Variants in COP1 observed in about 807,000 individuals in gnomAD.
The protein encoded by COP1 is COP1 E3 ubiquitin ligase, also known as E3 ubiquitin-protein ligase COP1.
COP1 carries 24 observed loss-of-function variants against 101.3 expected under a neutral mutation model. The observed-to-expected ratio is 0.24, with a 90% CI of 0.17 to 0.33. The LOEUF (loss-of-function observed/expected upper bound fraction) is 0.33. Ranked by LOEUF, COP1 falls within the 10% of genes least tolerant of loss-of-function variation. The pLI is 1.00. For missense variants in COP1, 663 were observed against 906.2 expected (o/e 0.73, Z 3.45); for synonymous variants, 347 against 341.9 (o/e 1.01, Z -0.17).
At chr1:176,185,378 C>G (rs1395356638) in intron 1 of COP1, among the ~76,000 whole-genome samples, 2 of 152,286 alleles carry the variant, frequency 1.3e-5, no homozygotes, top group Admixed American at 6.5e-5. Context: ...ACGTTCTTAA[C>G]CACTTGTCCT....
chr1:175,982,021 A>G (rs1655981226), intron 18 of COP1, among the ~76,000 whole-genome samples: 1 of 152,190 alleles, frequency 6.6e-6, no homozygotes, highest in Admixed American at 6.5e-5. Flanking sequence ...AAGATGAAAG[A>G]TAACAAGCGT....
intron 18 of COP1, among the ~76,000 whole-genome samples, chr1:175,952,635 A>G (rs888816456): frequency 4.0e-5 from 6 of 151,800 alleles, no homozygotes; most frequent in African/African-American, 1.5e-4. Flanking sequence ...TAAGGTGGGC[A>G]TGGTAGCTCA....
intron 11 of COP1, among the ~76,000 whole-genome samples, chr1:176,076,902 C>T (rs1411679019): frequency 1.3e-5 from 2 of 152,064 alleles, no homozygotes; most frequent in Non-Finnish European, 2.9e-5. Flanking sequence ...CACACAACCT[C>T]CCAAGATTCA....
At chr1:176,187,838 G>A (rs1324691493) in intron 1 of COP1, among the ~76,000 whole-genome samples, 1 of 152,054 alleles carries the variant, frequency 6.6e-6, no homozygotes, top group Non-Finnish European at 1.5e-5. Flanking sequence ...TAATAGGACT[G>A]GTGCTATGGT....
chr1:176,187,940 T>C (rs1015516294), intron 1 of COP1, among the ~76,000 whole-genome samples: 2 of 152,080 alleles, frequency 1.3e-5, no homozygotes, highest in African/African-American at 4.8e-5. Flanking sequence ...TTTTAGGTCA[T>C]GAGGGCAGAA....
intron 18 of COP1, among the ~76,000 whole-genome samples, chr1:175,961,695 C>CAAA (rs3034815): frequency 4.9e-4 from 34 of 69,402 alleles, no homozygotes; most frequent in African/African-American, 7.9e-4. Context: ...GACCCTGTCT[C>CAAA]AAAAAAAAAA....
intron 11 of COP1, among the ~76,000 whole-genome samples, chr1:176,074,376 A>G (rs1185283271): frequency 6.6e-6 from 1 of 152,144 alleles, no homozygotes; most frequent in East Asian, 1.9e-4. Context: ...AGTTTTTCAC[A>G]CCTTCATTTC....
intron 6 of COP1, among the ~76,000 whole-genome samples, chr1:176,145,904 G>C (rs760032675): frequency 6.6e-6 from 1 of 152,270 alleles, no homozygotes; most frequent in Non-Finnish European, 1.5e-5. Context: ...AGGGTGGTCA[G>C]GGTGCTTCAG....
At chr1:175,970,299 CTTAG>C (rs1165634559) in intron 18 of COP1, among the ~76,000 whole-genome samples, 1 of 151,998 alleles carries the variant, frequency 6.6e-6, no homozygotes, top group Non-Finnish European at 1.5e-5. Context: ...ATGATGAGAA[CTTAG>C]TTAAGCAGAA....
intron 5 of COP1, among the ~76,000 whole-genome samples, chr1:176,161,158 C>T (rs1694255989): frequency 6.6e-6 from 1 of 152,186 alleles, no homozygotes; most frequent in Non-Finnish European, 1.5e-5. Flanking sequence ...CCATCTGTTT[C>T]ATAGCTTAGA....
chr1:176,145,662 A>C (rs1332346956), intron 6 of COP1, among the ~76,000 whole-genome samples: 2 of 152,186 alleles, frequency 1.3e-5, no homozygotes, highest in African/African-American at 2.4e-5. Context: ...ACAACAACAA[A>C]AATCAACCAA....
chr1:176,122,868 T>C (rs114157787), intron 8 of COP1, among the ~76,000 whole-genome samples: 224 of 152,322 alleles, frequency 1.5e-3, no homozygotes, highest in African/African-American at 5.1e-3. Context: ...TTCTAAAAGA[T>C]GGAACAGGTC....
intron 8 of COP1, among the ~76,000 whole-genome samples, chr1:176,122,132 T>G (rs1179450901): frequency 7.1e-5 from 8 of 112,222 alleles, no homozygotes. Flanking sequence ...AGAGCAAGAC[T>G]GCATCTCAAA....
intron 10 of COP1, among the ~76,000 whole-genome samples, chr1:176,084,773 T>C (rs746443977): frequency 6.6e-6 from 1 of 152,162 alleles, no homozygotes; most frequent in Non-Finnish European, 1.5e-5. Flanking sequence ...AAGCAATATG[T>C]AGATTATAAA....
At chr1:175,952,493 A>C (rs1650077496) in intron 18 of COP1, among the ~76,000 whole-genome samples, 1 of 152,170 alleles carries the variant, frequency 6.6e-6, no homozygotes. Context: ...AGTCAAAATA[A>C]AGATATTTTC....
At chr1:176,130,503 A>C (rs529556805) in intron 8 of COP1, among the ~76,000 whole-genome samples, 1 of 151,964 alleles carries the variant, frequency 6.6e-6, no homozygotes, top group Admixed American at 6.6e-5. Flanking sequence ...TGGTTTGATT[A>C]ATTCTACGGA....
At position 176,053,182 on chromosome 1, in the gene COP1, C is replaced by A. The variant is rs948263911; in HGVS notation, c.1278-6858G>T. ...ATAATTGCAATTTCTTCCCTAAATG[C>A]TCCCCTTGCTTTCTCATTCTAAGTG... On this transcript the variant is annotated intron_variant, in intron 11 of 19. Transcript: ENST00000367669. Among the ~76,000 whole-genome samples, 5 of 152,164 alleles carry A rather than the reference C, an allele frequency of 3.3e-5. No homozygotes were observed. In the East Asian group the frequency reaches 9.6e-4, roughly 29 times the overall value.
chr1:175,968,782 C>G (rs1255381209), intron 18 of COP1, among the ~76,000 whole-genome samples: 1 of 152,192 alleles, frequency 6.6e-6, no homozygotes, highest in Non-Finnish European at 1.5e-5. Context: ...TTCATCATTC[C>G]TTTCTCAATG....
At chr1:176,122,996 A>G (rs1362867900) in intron 8 of COP1, among the ~76,000 whole-genome samples, 1 of 152,218 alleles carries the variant, frequency 6.6e-6, no homozygotes, top group African/African-American at 2.4e-5. Flanking sequence ...CTCCAACAAA[A>G]TAAGTTAAAG....
Sources: allele counts gnomAD v4.1 joint callset (sites outside exome capture counted in the v4.1 genomes callset), GRCh38; gene constraint gnomAD v4.1.1; transcripts MANE v1.5; gene names NCBI Gene and HGNC (gene_info 2026-07-23, HGNC 2026-07-21).